Variants in LGI1 observed in about 807,000 individuals in gnomAD.
The protein encoded by LGI1 is leucine rich glioma inactivated 1, also known as leucine-rich glioma-inactivated protein 1.
In LGI1, 11 loss-of-function variants were observed where a neutral mutation model predicts 57.7. The observed-to-expected ratio is 0.19, with a 90% CI of 0.12 to 0.32. LGI1 has a LOEUF of 0.32. LGI1 is among the 10% of genes least tolerant of loss of function. LGI1 has a pLI of 1.00. For missense variants in LGI1, 422 were observed against 661.9 expected (o/e 0.64, Z 3.98); for synonymous variants, 222 against 241.9 (o/e 0.92, Z 0.76).
chr10:93,761,052 A>G (rs2059617865), intron 2 of LGI1, among the ~76,000 whole-genome samples: 3 of 152,138 alleles, frequency 2.0e-5, no homozygotes, highest in African/African-American at 7.2e-5. Flanking sequence ...GCTTCCGCCT[A>G]TCCTCAGGAA....
chr10:93,760,166 G>T (rs1487090529), intron 2 of LGI1, among the ~76,000 whole-genome samples: 2 of 152,210 alleles, frequency 1.3e-5, no homozygotes, highest in Admixed American at 6.5e-5. Context: ...ATGTAATGAT[G>T]TTGGCTAATG....
intron 2 of LGI1, chr10:93,770,744 C>T (rs1260436276): frequency 6.6e-6 from 1 of 152,022 alleles, no homozygotes; most frequent in Non-Finnish European, 1.5e-5. Flanking sequence ...CAGGTCACAT[C>T]CTCTGATCCC....
chr10:93,768,678 C>T (rs1337364757), intron 2 of LGI1: 1 of 152,148 alleles, frequency 6.6e-6, no homozygotes, highest in African/African-American at 2.4e-5. Context: ...GGAGAGGGTC[C>T]ATGCTCGAAT....
intron 4 of LGI1, among the ~76,000 whole-genome samples, chr10:93,786,775 G>A (rs964100092): frequency 3.2e-4 from 49 of 152,270 alleles, no homozygotes; most frequent in Middle Eastern, 6.8e-3. Context: ...TGTATTTTTC[G>A]CAGACAGAGG....
chr10:93,773,889 G>T (rs1007263398), intron 2 of LGI1, among the ~76,000 whole-genome samples: 1 of 152,188 alleles, frequency 6.6e-6, no homozygotes, highest in African/African-American at 2.4e-5. Context: ...ACAAACCCAC[G>T]GGCTGGCTGC....
intron 2 of LGI1, chr10:93,767,019 C>T (rs546127959): frequency 6.6e-6 from 1 of 152,322 alleles, no homozygotes; most frequent in African/African-American, 2.4e-5. Flanking sequence ...CTTCACTTTG[C>T]ATAGTTTTGT....
At chr10:93,776,982 G>T (rs113110265) in intron 2 of LGI1, 3 of 219,222 alleles carry the variant, frequency 1.4e-5, no homozygotes, top group South Asian at 7.5e-5. Context: ...GCTCAAAACC[G>T]CAAAGTACCA....
chr10:93,797,939 AC>A lies in LGI1; in HGVS notation c.*138del. Reference sequence around the variant, plus strand: ...ATTGAGACTGCTAGAACCAAGCACTACCAGTATCTCCATCCTTAACTGTCCA... The same window carrying A: ...ATTGAGACTGCTAGAACCAAGCACTACAGTATCTCCATCCTTAACTGTCCA... On this transcript the variant is annotated 3_prime_UTR_variant, in exon 8 of 8. Transcript: ENST00000371418. This position sits in a 1 kb window ranked among gnomAD's most constrained non-coding sequence, Gnocchi z 6.5. 1.4e-6 allele frequency: 1 copy of A among 722,118 alleles called. No homozygotes were observed. Among genetic ancestry groups the A allele is most frequent in the South Asian group, 1.5e-5 (1 of 67,994 alleles). The allele number at this position is 722,118 out of a possible 1,614,324, so 44.7% of individuals were successfully genotyped here. A position where few individuals can be genotyped will look rare whatever the true frequency, so the allele number is the denominator to read the frequency against.
chr10:93,777,393 A>G lies in LGI1; in HGVS notation c.302A>G (p.Asn101Ser). 1 of 1,613,842 alleles carries G rather than the reference A, an allele frequency of 6.2e-7. No individual in the cohort carries two copies. The highest frequency in any genetic ancestry group is 8.5e-7 in the Non-Finnish European group (1 of 1,179,874). The change falls in exon 3 of 8, where the codon AAC (asparagine) becomes AGC (serine). Residue 101 changes from asparagine to serine, a missense_variant. By Grantham distance (46) the Asn-to-Ser change is conservative. Around this residue, in one of 3 missense-constraint regions of LGI1, gnomAD observed 63 missense variants for 138.4 expected, o/e 0.46. Coordinates refer to ENST00000371418, the MANE Select transcript of LGI1 (RefSeq NM_005097.4). ...PSLQLLLFTS[N>S]SFDVISDDAF... ...TTTCTGGGCAGGTTATTCACATCGA[A>G]CTCCTTTGATGTGATCAGTGATGAT... is the stretch of plus-strand genomic sequence containing the variant.
Position 93,784,888 on chromosome 10 carries a change from T to C in LGI1, c.432-5211T>C, listed in dbSNP as rs568258875. Among the ~76,000 whole-genome samples, 3 of 152,300 alleles carry C rather than the reference T, an allele frequency of 2.0e-5. No homozygotes were observed. The East Asian group carries it at 5.8e-4, about 29-fold the overall frequency. On this transcript the variant is annotated intron_variant, in intron 4 of 7. Coordinates refer to ENST00000371418, the MANE Select transcript of LGI1 (RefSeq NM_005097.4). ...TAGACACTCTGTGGGCCAGGATCCA[T>C]AACATGATGTTCCAGAATCACTTGC...
At chr10:93,787,492 T>C (rs1379712548) in intron 4 of LGI1, among the ~76,000 whole-genome samples, 2 of 152,168 alleles carry the variant, frequency 1.3e-5, no homozygotes, top group African/African-American at 4.8e-5. Flanking sequence ...GGAAGCCCCA[T>C]AGCTCCAAGT....
intron 2 of LGI1, chr10:93,771,792 A>AT (rs1322115399): frequency 4.6e-5 from 7 of 152,246 alleles, no homozygotes; most frequent in Non-Finnish European, 1.0e-4. Flanking sequence ...CCTGACCAAC[A>AT]TGGTGAAACC....
chr10:93,773,139 A>G (rs1034934260), intron 2 of LGI1, among the ~76,000 whole-genome samples: 2 of 152,182 alleles, frequency 1.3e-5, no homozygotes, highest in Non-Finnish European at 2.9e-5. Flanking sequence ...AAAATTTTCA[A>G]ACTTTCTACT....
rs186118195 is a variant in LGI1 at position 93,777,851 on chromosome 10, G to T, written c.431+234G>T. ...ACCACAATTAGAAAAGCAATCTAAT[G>T]CAGGGAAATTGTGTGCCTGAAATAA... On this transcript the variant is annotated intron_variant, in intron 4 of 7. Coordinates refer to ENST00000371418, the MANE Select transcript of LGI1 (RefSeq NM_005097.4). 1.6e-3 allele frequency among the ~76,000 whole-genome samples: 241 copies of T among 152,332 alleles called. 7 individuals are homozygous for T. Among genetic ancestry groups the T allele is most frequent in the Admixed American group, 0.015 (233 of 15,302 alleles).
At chr10:93,787,906 CAAAAAA>C (rs61222250) in intron 4 of LGI1, among the ~76,000 whole-genome samples, 6 of 115,696 alleles carry the variant, frequency 5.2e-5, no homozygotes, top group Admixed American at 8.7e-5. Flanking sequence ...GACCCTGTCT[CAAAAAA>C]AAAAAAAAAA....
intron 2 of LGI1, among the ~76,000 whole-genome samples, chr10:93,766,041 G>A (rs2059673576): frequency 1.3e-5 from 2 of 150,808 alleles, no homozygotes; most frequent in East Asian, 2.0e-4. Flanking sequence ...ACATTAGGTT[G>A]TTCATTGAAA....
intron 2 of LGI1, chr10:93,771,520 G>T (rs1427056865): frequency 3.3e-5 from 5 of 152,138 alleles, no homozygotes; most frequent in Admixed American, 3.3e-4. Flanking sequence ...ACTGAGAAGG[G>T]TGGGGGTGTA....
intron 4 of LGI1, among the ~76,000 whole-genome samples, chr10:93,785,383 G>A (rs1362323659): frequency 6.6e-6 from 1 of 152,184 alleles, no homozygotes; most frequent in Non-Finnish European, 1.5e-5. Context: ...GTAGCTACAT[G>A]TGTTAATTCT....
rs139146221 is a variant in LGI1, at chr10:93,785,161, T to A, written c.432-4938T>A. Among the ~76,000 whole-genome samples the A allele has an allele frequency of 2.2e-3, 334 of 152,302 alleles. 1 individual carries two copies. Among genetic ancestry groups the A allele is most frequent in the African/African-American group, 7.7e-3 (320 of 41,560 alleles). Reference sequence around the variant, plus strand: ...TTTTAAGAATACCAATGCATAGGATTATCCCTACTAAGAGAGGCAGAAAGA... The same window carrying A: ...TTTTAAGAATACCAATGCATAGGATAATCCCTACTAAGAGAGGCAGAAAGA... On this transcript the variant is annotated intron_variant, in intron 4 of 7. Coordinates refer to ENST00000371418, the MANE Select transcript of LGI1 (RefSeq NM_005097.4).
Sources: allele counts gnomAD v4.1 joint callset (sites outside exome capture counted in the v4.1 genomes callset), GRCh38; gene constraint gnomAD v4.1.1; regional missense constraint gnomAD v4.1.1; non-coding constraint Gnocchi (gnomAD v3.1); transcripts MANE v1.5; gene names NCBI Gene and HGNC (gene_info 2026-07-23, HGNC 2026-07-21).